Variants in SOCS5 observed in about 807,000 individuals in gnomAD.
SOCS5 encodes suppressor of cytokine signaling 5.
In SOCS5, 32 loss-of-function variants were observed where a neutral mutation model predicts 42.8. The observed-to-expected ratio is 0.75, with a 90% CI of 0.56 to 1.01. The LOEUF (loss-of-function observed/expected upper bound fraction) is 1.01. Ranked by LOEUF, SOCS5 falls within the 50% of genes least tolerant of loss-of-function variation. The pLI, the probability that SOCS5 is intolerant of heterozygous loss-of-function variation, is 0.00. For missense variants in SOCS5, 627 were observed against 653.0 expected (o/e 0.96, Z 0.43); for synonymous variants, 283 against 229.6 (o/e 1.23, Z -2.10).
chr2:46,744,804 A>G (rs1292552911), intron 1 of SOCS5, among the ~76,000 whole-genome samples: 1 of 151,876 alleles, frequency 6.6e-6, no homozygotes, highest in Non-Finnish European at 1.5e-5. Context: ...CAGGGCTCAC[A>G]TGCGTGAGCC....
At chr2:46,722,754 A>G (rs1672910236) in intron 1 of SOCS5, among the ~76,000 whole-genome samples, 1 of 152,144 alleles carries the variant, frequency 6.6e-6, no homozygotes, top group Non-Finnish European at 1.5e-5. Context: ...AAGAGTTGCC[A>G]AACTGTTTTC....
At chr2:46,706,922 A>G (rs897988017) in intron 1 of SOCS5, among the ~76,000 whole-genome samples, 1 of 152,228 alleles carries the variant, frequency 6.6e-6, no homozygotes, top group East Asian at 1.9e-4. Flanking sequence ...TACCAACGGC[A>G]GCATTTGATT....
chr2:46,706,918 C>T lies in SOCS5; in HGVS notation c.-13+7469C>T, dbSNP rs115289336. Among the ~76,000 whole-genome samples the T allele has an allele frequency of 5.9e-3, 896 of 152,248 alleles. 11 individuals carry two copies. The highest frequency in any genetic ancestry group is 0.021 in the African/African-American group (860 of 41,552). The stretch of plus-strand genomic sequence containing the variant: ...GAGATAAAATATAAGAAAGTACCAA[C>T]GGCAGCATTTGATTTTGGAATCTCA... On this transcript the variant is annotated intron_variant, in intron 1 of 1. Coordinates refer to ENST00000394861, the MANE Select transcript of SOCS5 (RefSeq NM_144949.3).
intron 1 of SOCS5, among the ~76,000 whole-genome samples, chr2:46,745,714 C>T (rs879796466): frequency 6.6e-6 from 1 of 152,114 alleles, no homozygotes; most frequent in Non-Finnish European, 1.5e-5. Flanking sequence ...GGTTGTTTAT[C>T]CTCTTTAACA....
At chr2:46,747,529 T>A (rs72802465) in intron 1 of SOCS5, among the ~76,000 whole-genome samples, 10,515 of 152,232 alleles carry the variant, frequency 0.069, 502 homozygotes, top group Non-Finnish European at 0.11. Context: ...CTCTTTTAAA[T>A]CTGTTTTATA....
intron 1 of SOCS5, among the ~76,000 whole-genome samples, chr2:46,754,085 T>G (rs1673683211): frequency 6.6e-6 from 1 of 152,120 alleles, no homozygotes; most frequent in African/African-American, 2.4e-5. Flanking sequence ...GCCCAGTAGG[T>G]CTCAGCCTTA....
At chr2:46,734,534 C>G (rs1037609019) in intron 1 of SOCS5, among the ~76,000 whole-genome samples, 23 of 152,324 alleles carry the variant, frequency 1.5e-4, no homozygotes, top group Non-Finnish European at 4.4e-5. Flanking sequence ...CTTACTTAAT[C>G]TAGCCATTAC....
intron 1 of SOCS5, among the ~76,000 whole-genome samples, chr2:46,725,932 C>G (rs1232430709): frequency 6.6e-6 from 1 of 151,942 alleles, no homozygotes; most frequent in African/African-American, 2.4e-5. Context: ...TTTCGAACTG[C>G]ATTGTTTCTG....
At chr2:46,719,457 C>T (rs1672830341) in intron 1 of SOCS5, among the ~76,000 whole-genome samples, 1 of 152,044 alleles carries the variant, frequency 6.6e-6, no homozygotes, top group African/African-American at 2.4e-5. Flanking sequence ...ACTATCTTTC[C>T]TTTTTTCTTT....
chr2:46,706,859 C>G (rs560688888), intron 1 of SOCS5, among the ~76,000 whole-genome samples: 14 of 152,292 alleles, frequency 9.2e-5, no homozygotes, highest in African/African-American at 3.4e-4. Context: ...AGATGAGTCA[C>G]TGAACTTCTT....
At chr2:46,747,983 T>C (rs1673541309) in intron 1 of SOCS5, among the ~76,000 whole-genome samples, 1 of 152,204 alleles carries the variant, frequency 6.6e-6, no homozygotes, top group South Asian at 2.1e-4. Flanking sequence ...AATTTGTATG[T>C]TACATGCTAA....
At chr2:46,708,453 G>C (rs1283201243) in intron 1 of SOCS5, among the ~76,000 whole-genome samples, 1 of 152,086 alleles carries the variant, frequency 6.6e-6, no homozygotes, top group Non-Finnish European at 1.5e-5. Flanking sequence ...TCAGGAGCGT[G>C]GTCAGGATTA....
intron 1 of SOCS5, among the ~76,000 whole-genome samples, chr2:46,710,123 T>C (rs1186504852): frequency 6.6e-6 from 1 of 152,098 alleles, no homozygotes; most frequent in Non-Finnish European, 1.5e-5. Context: ...ATTTCAGTTT[T>C]TGGTGGTTGT....
intron 1 of SOCS5, among the ~76,000 whole-genome samples, chr2:46,718,863 A>G (rs1255245949): frequency 1.3e-5 from 2 of 152,220 alleles, no homozygotes; most frequent in African/African-American, 2.4e-5. Flanking sequence ...ACAGTGATAC[A>G]GCTTTCTAAA....
At chr2:46,742,769 G>T (rs994031397) in intron 1 of SOCS5, among the ~76,000 whole-genome samples, 1 of 151,904 alleles carries the variant, frequency 6.6e-6, no homozygotes, top group African/African-American at 2.4e-5. Context: ...AGGTTTAAGC[G>T]ATCCTTCTGC....
chr2:46,745,282 A>T (rs1673473087), intron 1 of SOCS5, among the ~76,000 whole-genome samples: 1 of 152,180 alleles, frequency 6.6e-6, no homozygotes, highest in Admixed American at 6.5e-5. Context: ...TGTTTATGGG[A>T]AATGACTATA....
intron 1 of SOCS5, among the ~76,000 whole-genome samples, chr2:46,704,172 A>C (rs1672408497): frequency 6.6e-6 from 1 of 152,190 alleles, no homozygotes; most frequent in Admixed American, 6.5e-5. Context: ...GATGAAGATA[A>C]TTTTTTTAAA....
chr2:46,707,736 A>T (rs1672528965), intron 1 of SOCS5, among the ~76,000 whole-genome samples: 1 of 152,356 alleles, frequency 6.6e-6, no homozygotes, highest in African/African-American at 2.4e-5. Context: ...GATTGGAGAC[A>T]TTTACCAAAT....
chr2:46,760,062 A>G lies in SOCS5; in HGVS notation c.1532A>G (p.Gln511Arg), dbSNP rs770959721. 1.2e-6 allele frequency: 2 copies of G among 1,613,906 alleles called. No individual in the cohort carries two copies. The highest frequency in any genetic ancestry group is 2.7e-5 in the African/African-American group (2 of 74,910). ...GGGCTCCCTCTACCCTCAATGTTAC[A>G]GGATTTTTTAAAAGAGTATCATTAT... is the stretch of plus-strand genomic sequence containing the variant. ...IDGLPLPSML[Q>R]DFLKEYHYKQ... The change falls in exon 2 of 2, where the codon CAG becomes CGG. Residue 511 changes from glutamine (Q) to arginine (R), a missense_variant. Transcript: ENST00000394861.
Sources: allele counts gnomAD v4.1 joint callset (sites outside exome capture counted in the v4.1 genomes callset), GRCh38; gene constraint gnomAD v4.1.1; transcripts MANE v1.5; gene names NCBI Gene and HGNC (gene_info 2026-07-23, HGNC 2026-07-21).